Variants in CCSER1 observed in about 807,000 individuals in gnomAD.
The protein encoded by CCSER1 is coiled-coil serine rich protein 1.
CCSER1 carries 41 observed loss-of-function variants against 82.0 expected under a neutral mutation model. The observed-to-expected ratio is 0.50, with a 90% CI of 0.39 to 0.65. The LOEUF is 0.65. Ranked by LOEUF, CCSER1 falls within the 30% of genes least tolerant of loss-of-function variation. The pLI is 0.00. For synonymous variants in CCSER1, 414 were observed against 383.9 expected, an observed-to-expected ratio of 1.08 and a Z score of -0.92; for missense variants, 1,119 against 1,064.2, an observed-to-expected ratio of 1.05 and a Z score of -0.72.
At chr4:90,517,578 T>C (rs1452760908) in intron 5 of CCSER1, among the ~76,000 whole-genome samples, 3 of 152,166 alleles carry the variant, frequency 2.0e-5, no homozygotes, top group African/African-American at 4.8e-5. Flanking sequence ...AGGTTGAATA[T>C]ACAGATTTAA....
chr4:91,131,752 AATCT>A (rs1365980836), intron 10 of CCSER1, among the ~76,000 whole-genome samples: 1 of 152,140 alleles, frequency 6.6e-6, no homozygotes, highest in Non-Finnish European at 1.5e-5. Context: ...CTAGATGAAG[AATCT>A]ATCAATACTC....
intron 10 of CCSER1, among the ~76,000 whole-genome samples, chr4:91,355,101 A>G (rs1328011493): frequency 1.3e-5 from 2 of 152,200 alleles, no homozygotes; most frequent in Non-Finnish European, 2.9e-5. Context: ...TCCTTTGCAG[A>G]GCCAAACAAG....
chr4:90,637,970 G>T (rs576603705), intron 6 of CCSER1, among the ~76,000 whole-genome samples: 1 of 152,186 alleles, frequency 6.6e-6, no homozygotes, highest in Non-Finnish European at 1.5e-5. Flanking sequence ...TCCTTTTGGG[G>T]TTGCCTGTGA....
At chr4:90,685,736 T>C (rs1734706336) in intron 6 of CCSER1, among the ~76,000 whole-genome samples, 1 of 152,310 alleles carries the variant, frequency 6.6e-6, no homozygotes, top group East Asian at 1.9e-4. Flanking sequence ...ACAACTTACA[T>C]GAACACTCTT....
chr4:90,641,862 C>G, intron 6 of CCSER1: 1 of 239,716 alleles, frequency 4.2e-6, no homozygotes, highest in Non-Finnish European at 9.3e-6. Flanking sequence ...GTGTGGTAAT[C>G]TATTTGTGTT....
intron 1 of CCSER1, among the ~76,000 whole-genome samples, chr4:90,258,055 T>A (rs935571697): frequency 3.9e-5 from 6 of 152,100 alleles, no homozygotes; most frequent in Non-Finnish European, 8.8e-5. Context: ...CACTGTTCAG[T>A]TTTCCTAGCT....
intron 8 of CCSER1, among the ~76,000 whole-genome samples, chr4:90,830,925 C>T (rs1320816626): frequency 6.6e-6 from 1 of 152,102 alleles, no homozygotes; most frequent in Non-Finnish European, 1.5e-5. Context: ...TCCATATAAA[C>T]TCCCTTCCCA....
rs548968040 is a variant in CCSER1, at chr4:90,669,555, G to T, written c.1932+41323G>T. On this transcript the variant is annotated intron_variant, in intron 6 of 10. Transcript: ENST00000509176. ...ATTTAGAGAATATATACCACATTAT[G>T]CTTGATAAGTTTGGTTATGTTATAA... Among the ~76,000 whole-genome samples, 4 of 152,152 alleles carry T rather than the reference G, an allele frequency of 2.6e-5. No homozygotes were observed. In the East Asian group the frequency reaches 5.8e-4, roughly 22 times the overall value.
Position 90,732,027 on chromosome 4 carries a change from TTC to T in CCSER1, c.2010+8069_2010+8070del, listed in dbSNP as rs76331329. 4.1e-3 allele frequency among the ~76,000 whole-genome samples: 539 copies of T among 130,636 alleles called. 2 individuals carry two copies. The highest frequency in any genetic ancestry group is 4.1e-3 in the African/African-American group (125 of 30,820). 85.7% of individuals were successfully genotyped at this position (130,636 alleles called of 152,430 possible). A position where few individuals can be genotyped will look rare whatever the true frequency, so the allele number is the denominator to read the frequency against. On this transcript the variant is annotated intron_variant, in intron 7 of 10. Transcript: ENST00000509176. ...CTGAAAACACTGTACCTATTGGGAT[TTC>T]TCTCTCTCTCTCTCTCTCTCTCTCT...
At chr4:90,289,414 G>A (rs1730513193) in intron 1 of CCSER1, among the ~76,000 whole-genome samples, 1 of 151,826 alleles carries the variant, frequency 6.6e-6, no homozygotes, top group Non-Finnish European at 1.5e-5. Context: ...TAGACAATGT[G>A]AGCAACATCA....
chr4:90,545,035 T>C (rs898059752), intron 5 of CCSER1, among the ~76,000 whole-genome samples: 2 of 151,424 alleles, frequency 1.3e-5, no homozygotes, highest in South Asian at 4.2e-4. Flanking sequence ...GAGAAAAGCC[T>C]GCCAACAATT....
At chr4:90,379,537 T>A (rs1018391221) in intron 3 of CCSER1, among the ~76,000 whole-genome samples, 4 of 152,144 alleles carry the variant, frequency 2.6e-5, no homozygotes, top group African/African-American at 7.2e-5. Flanking sequence ...TTAATGGTGA[T>A]ATAGAAGATA....
chr4:91,473,881 A>G (rs1031952838), intron 10 of CCSER1, among the ~76,000 whole-genome samples: 3 of 151,960 alleles, frequency 2.0e-5, no homozygotes, highest in African/African-American at 7.2e-5. Flanking sequence ...ATTTTAATCA[A>G]CTCTGTAGTG....
At chr4:91,593,376 T>C (rs576050136) in intron 10 of CCSER1, among the ~76,000 whole-genome samples, 3 of 152,074 alleles carry the variant, frequency 2.0e-5, no homozygotes, top group African/African-American at 7.2e-5. Flanking sequence ...AGAAAAATAA[T>C]TTTGTATACA....
At chr4:91,153,484 A>G (rs959226324) in intron 10 of CCSER1, among the ~76,000 whole-genome samples, 1 of 151,774 alleles carries the variant, frequency 6.6e-6, no homozygotes, top group African/African-American at 2.4e-5. Context: ...GAAGTTTGTT[A>G]TTACCGATCT....
At chr4:90,948,652 A>G (rs1732546380) in intron 9 of CCSER1, among the ~76,000 whole-genome samples, 1 of 152,036 alleles carries the variant, frequency 6.6e-6, no homozygotes, top group Admixed American at 6.6e-5. Context: ...CTGAAATTTT[A>G]AGCATTTATA....
chr4:90,301,430 A>G (rs974771321), intron 1 of CCSER1, among the ~76,000 whole-genome samples: 1 of 152,154 alleles, frequency 6.6e-6, no homozygotes, highest in African/African-American at 2.4e-5. Context: ...GAACAAAAGT[A>G]CTGTTTCTTC....
intron 10 of CCSER1, among the ~76,000 whole-genome samples, chr4:91,491,902 T>C (rs928597774): frequency 1.3e-5 from 2 of 151,336 alleles, no homozygotes; most frequent in East Asian, 1.9e-4. Flanking sequence ...ATTCAACTTA[T>C]GGCTATTAAC....
intron 9 of CCSER1, among the ~76,000 whole-genome samples, chr4:91,031,935 G>GT (rs1458450213): frequency 6.6e-6 from 1 of 151,952 alleles, no homozygotes. Context: ...ATTTCCTAAT[G>GT]TTTTTTAATC....
Sources: allele counts gnomAD v4.1 joint callset (sites outside exome capture counted in the v4.1 genomes callset), GRCh38; gene constraint gnomAD v4.1.1; transcripts MANE v1.5; gene names NCBI Gene and HGNC (gene_info 2026-07-23, HGNC 2026-07-21).